MTHFS: variants seen among roughly 807,000 people sequenced by gnomAD.
MTHFS encodes 5-formyltetrahydrofolate cyclo-ligase.
MTHFS carries 7 observed loss-of-function variants against 12.7 expected under a neutral mutation model. That is an observed-to-expected ratio of 0.55 (90% CI 0.31 to 1.03). The LOEUF is 1.03. MTHFS is among the 50% of genes least tolerant of loss of function. MTHFS has a pLI of 0.05. For synonymous variants in MTHFS, 100 were observed against 97.1 expected (o/e 1.03, Z -0.18); for missense variants, 252 against 258.1 (o/e 0.98, Z 0.16).
intron 2 of MTHFS, among the ~76,000 whole-genome samples, chr15:79,854,853 A>T (rs1034658389): frequency 3.3e-5 from 5 of 152,194 alleles, no homozygotes; most frequent in Admixed American, 3.3e-4. Context: ...CAACATCATC[A>T]TCACCATCAC....
At chr15:79,864,272 C>T (rs758244536) in intron 2 of MTHFS, among the ~76,000 whole-genome samples, 9 of 152,064 alleles carry the variant, frequency 5.9e-5, no homozygotes, top group Non-Finnish European at 1.2e-4. Flanking sequence ...GGGCCAGGTA[C>T]GGTGGCTCAC....
intron 2 of MTHFS, among the ~76,000 whole-genome samples, chr15:79,882,857 C>G (rs954062348): frequency 6.6e-6 from 1 of 152,162 alleles, no homozygotes; most frequent in Non-Finnish European, 1.5e-5. Context: ...CAAGGTTATT[C>G]CCCCAGGCAG....
rs146707519 is a variant in MTHFS at position 79,861,939 on chromosome 15, A to T, written c.380-16497T>A. On this transcript the variant is annotated intron_variant, in intron 2 of 2. Coordinates refer to ENST00000258874, the MANE Select transcript of MTHFS (RefSeq NM_006441.4). Reference sequence around the variant, plus strand: ...TTAACAGTGGTCACATCTGGGGAACAGGCTGGGAAGAAGAGGGGTGGGACT... The same window carrying T: ...TTAACAGTGGTCACATCTGGGGAACTGGCTGGGAAGAAGAGGGGTGGGACT... Among the ~76,000 whole-genome samples, 353 of 152,336 alleles carry T rather than the reference A, an allele frequency of 2.3e-3. 2 individuals carry two copies. The highest frequency in any genetic ancestry group is 8.3e-3 in the African/African-American group (347 of 41,590).
intron 2 of MTHFS, among the ~76,000 whole-genome samples, chr15:79,882,840 T>C (rs989628273): frequency 6.6e-6 from 1 of 152,206 alleles, no homozygotes; most frequent in Non-Finnish European, 1.5e-5. Context: ...TGAGAGAAGA[T>C]AAGTTTCAAG....
chr15:79,891,365 G>A (rs1395877108), intron 1 of MTHFS, among the ~76,000 whole-genome samples: 1 of 152,058 alleles, frequency 6.6e-6, no homozygotes, highest in Non-Finnish European at 1.5e-5. Flanking sequence ...AAGAAGGGGA[G>A]AAAAAATGGA....
intron 2 of MTHFS, among the ~76,000 whole-genome samples, chr15:79,881,771 G>A (rs1386416616): frequency 6.6e-6 from 1 of 152,190 alleles, no homozygotes; most frequent in East Asian, 1.9e-4. Flanking sequence ...CAATATTAAT[G>A]AATGAAGTGT....
At chr15:79,886,081 T>C (rs368657054) in intron 2 of MTHFS, among the ~76,000 whole-genome samples, 2 of 152,258 alleles carry the variant, frequency 1.3e-5, no homozygotes, top group East Asian at 3.8e-4. Flanking sequence ...TTGCTACATA[T>C]ATAATACAAG....
At chr15:79,854,074 T>C (rs2033759524) in intron 2 of MTHFS, among the ~76,000 whole-genome samples, 1 of 152,088 alleles carries the variant, frequency 6.6e-6, no homozygotes. Flanking sequence ...TGGAAGCTCT[T>C]TGTTCTTTCC....
intron 2 of MTHFS, among the ~76,000 whole-genome samples, chr15:79,855,204 T>C (rs2033778615): frequency 6.6e-6 from 1 of 152,194 alleles, no homozygotes. Flanking sequence ...ATACATCAGC[T>C]TATCCTATCT....
intron 2 of MTHFS, among the ~76,000 whole-genome samples, chr15:79,865,536 C>G (rs543677095): frequency 6.6e-6 from 1 of 152,190 alleles, no homozygotes; most frequent in African/African-American, 2.4e-5. Flanking sequence ...GTATACGTAT[C>G]GTAACGATGG....
chr15:79,856,215 T>C (rs1340132127), intron 2 of MTHFS, among the ~76,000 whole-genome samples: 7 of 152,220 alleles, frequency 4.6e-5, no homozygotes, highest in Non-Finnish European at 1.0e-4. Flanking sequence ...CCATTCTGAC[T>C]GGTATGAGAT....
In MTHFS at chr15:79,889,268, G is replaced by C. The variant is rs75041904; in HGVS notation, c.204C>G (p.Ile68Met). 13 of 1,614,028 alleles carry C rather than the reference G, an allele frequency of 8.1e-6. No individual in the cohort carries two copies. In the East Asian group the frequency reaches 2.5e-4, roughly 30 times the overall value. ...TTTTGCCTCGTTGGAAAATGTCCTT[G>C]ATGATCTCTTCTGTCTCAATTTCAT... is the stretch of plus-strand genomic sequence containing the variant. ...MQDEIETEEI[I>M]KDIFQRGKIC... Residue 68 changes from isoleucine (I) to methionine (M), a missense_variant, in exon 2 of 3, where the codon ATC becomes ATG. Ile to Met is a conservative substitution (Grantham distance 10). Transcript: ENST00000258874.
At chr15:79,860,388 CAA>C (rs939627034) in intron 2 of MTHFS, among the ~76,000 whole-genome samples, 3 of 118,378 alleles carry the variant, frequency 2.5e-5, no homozygotes, top group Non-Finnish European at 3.6e-5. Context: ...GACTCCATCT[CAA>C]AAAAAAAAAA....
At chr15:79,892,821 C>T (rs913541300) in intron 1 of MTHFS, among the ~76,000 whole-genome samples, 2 of 151,960 alleles carry the variant, frequency 1.3e-5, no homozygotes, top group Admixed American at 6.5e-5. Flanking sequence ...CATAGTGGCG[C>T]GCACCTGTAG....
At chr15:79,872,083 G>A (rs1430425536) in intron 2 of MTHFS, among the ~76,000 whole-genome samples, 3 of 112,006 alleles carry the variant, frequency 2.7e-5, no homozygotes, top group Non-Finnish European at 5.0e-5. Context: ...CCAGCCTGGC[G>A]ACAGAGCAAG....
At position 79,859,478 on chromosome 15, in the gene MTHFS, A is replaced by T. The variant is rs566631151; in HGVS notation, c.380-14036T>A. On this transcript the variant is annotated intron_variant, in intron 2 of 2. Transcript: ENST00000258874. Reference sequence around the variant, plus strand: ...TCATGAAAAGGTAGGGAAAGGGTAGATTACTCATTAAATGTGTTCGGACAC... The same window carrying T: ...TCATGAAAAGGTAGGGAAAGGGTAGTTTACTCATTAAATGTGTTCGGACAC... Among the ~76,000 whole-genome samples, 174 of 152,318 alleles carry T rather than the reference A, an allele frequency of 1.1e-3. 1 individual carries two copies. Among genetic ancestry groups the T allele is most frequent in the African/African-American group, 4.1e-3 (170 of 41,574 alleles).
In MTHFS at chr15:79,875,477, G is replaced by A. The variant is rs140545182; in HGVS notation, c.379+13616C>T. On this transcript the variant is annotated intron_variant, in intron 2 of 2. Transcript: ENST00000258874. ...ACACAATGCCAAGACAATGCAATAC[G>A]GAAAGAATCATCTTTTTAAAGACAG... Among the ~76,000 whole-genome samples, 101 of 152,164 alleles carry A rather than the reference G, an allele frequency of 6.6e-4. 1 individual carries two copies. The highest frequency in any genetic ancestry group is 1.2e-3 in the Non-Finnish European group (81 of 68,006).
rs767935022 is a variant in MTHFS at position 79,844,335 on chromosome 15, G to A, written c.*875C>T. On this transcript the variant is annotated 3_prime_UTR_variant, in exon 3 of 3. Coordinates refer to ENST00000258874, the MANE Select transcript of MTHFS (RefSeq NM_006441.4). The stretch of plus-strand genomic sequence containing the variant: ...AAAGGAGTGACAGGAAAATTGAAAG[G>A]AGAGAATAGATTTAAGAGGCATTTC... 6 of 152,278 alleles carry A rather than the reference G, an allele frequency of 3.9e-5. No homozygotes were observed. The highest frequency in any genetic ancestry group is 2.0e-4 in the Admixed American group (3 of 15,272). 9.4% of individuals were successfully genotyped at this position (152,278 alleles called of 1,614,324 possible).
intron 2 of MTHFS, among the ~76,000 whole-genome samples, chr15:79,881,676 CATACAGTTACCAAGG>C (rs2034296684): frequency 1.3e-5 from 2 of 152,128 alleles, no homozygotes; most frequent in South Asian, 4.1e-4. Flanking sequence ...TGTTCCCATG[CATACAGTTACCAAGG>C]GTACCTGTTC....
Sources: allele counts gnomAD v4.1 joint callset (sites outside exome capture counted in the v4.1 genomes callset), GRCh38; gene constraint gnomAD v4.1.1; transcripts MANE v1.5; gene names NCBI Gene and HGNC (gene_info 2026-07-23, HGNC 2026-07-21).